RBFOX1: variants seen among roughly 807,000 people sequenced by gnomAD.
RBFOX1 encodes the protein RNA binding fox-1 homolog 1, also known as RNA binding protein fox-1 homolog 1.
RBFOX1 carries 8 observed loss-of-function variants against 57.7 expected under a neutral mutation model. The observed-to-expected ratio is 0.14, with a 90% CI of 0.08 to 0.25. The LOEUF (loss-of-function observed/expected upper bound fraction) is 0.25. Ranked by LOEUF, RBFOX1 falls within the 10% of genes least tolerant of loss-of-function variation. The probability of loss-of-function intolerance (pLI) is 1.00; values close to 1 mark genes in which losing one functional copy is unlikely to be tolerated. For synonymous variants in RBFOX1, 326 were observed against 222.4 expected (o/e 1.47, Z -4.15); for missense variants, 611 against 548.5 (o/e 1.11, Z -1.14).
chr16:5,989,651 A>G (rs545756591), intron 4 of RBFOX1, among the ~76,000 whole-genome samples: 10 of 152,024 alleles, frequency 6.6e-5, no homozygotes, highest in Middle Eastern at 3.4e-3. Flanking sequence ...CCTCCAATCA[A>G]TAAAGGGCGG....
chr16:7,131,333 G>A (rs1480628641), intron 4 of RBFOX1, among the ~76,000 whole-genome samples: 7 of 133,002 alleles, frequency 5.3e-5, no homozygotes, highest in South Asian at 2.6e-4. Flanking sequence ...GCATTGCAGC[G>A]AGACTGTCTT....
At chr16:6,741,884 A>G (rs1274774683) in intron 3 of RBFOX1, among the ~76,000 whole-genome samples, 1 of 152,196 alleles carries the variant, frequency 6.6e-6, no homozygotes, top group Non-Finnish European at 1.5e-5. Context: ...TTTTAGTTAG[A>G]TAGGAGGAAT....
At chr16:5,349,364 C>T (rs1433296393) in intron 1 of RBFOX1, among the ~76,000 whole-genome samples, 1 of 152,152 alleles carries the variant, frequency 6.6e-6, no homozygotes, top group Non-Finnish European at 1.5e-5. Context: ...TAGTTAACAA[C>T]ACCATGCACT....
intron 1 of RBFOX1, among the ~76,000 whole-genome samples, chr16:5,414,780 G>C (rs905906927): frequency 5.3e-5 from 8 of 152,154 alleles, no homozygotes; most frequent in Admixed American, 5.2e-4. Flanking sequence ...TTGACAACTG[G>C]CTGGACATAA....
At chr16:6,629,804 T>C (rs1031446617) in intron 2 of RBFOX1, among the ~76,000 whole-genome samples, 1 of 152,234 alleles carries the variant, frequency 6.6e-6, no homozygotes, top group Non-Finnish European at 1.5e-5. Flanking sequence ...CCACAGCCTC[T>C]CCATTTAAGA....
chr16:6,371,599 TC>T (rs1478307008), intron 2 of RBFOX1, among the ~76,000 whole-genome samples: 4 of 152,136 alleles, frequency 2.6e-5, no homozygotes, highest in African/African-American at 9.7e-5. Flanking sequence ...TCTTGACTTT[TC>T]TTGCCCCAGT....
chr16:6,997,806 C>T (rs538534956), intron 3 of RBFOX1, among the ~76,000 whole-genome samples: 6 of 152,086 alleles, frequency 3.9e-5, no homozygotes, highest in Non-Finnish European at 5.9e-5. Flanking sequence ...GGTAGGGTTT[C>T]TTGCTCTGTT....
chr16:5,519,946 G>A (rs1280491957), intron 2 of RBFOX1, among the ~76,000 whole-genome samples: 1 of 152,232 alleles, frequency 6.6e-6, no homozygotes, highest in Admixed American at 6.5e-5. Flanking sequence ...AGTTATAGTG[G>A]TGAGCAAGGC....
At chr16:5,630,208 G>C (rs1380291914) in intron 3 of RBFOX1, among the ~76,000 whole-genome samples, 4 of 152,188 alleles carry the variant, frequency 2.6e-5, no homozygotes, top group African/African-American at 9.6e-5. Context: ...TGTAATCCCA[G>C]GACTTTGGGA....
intron 9 of RBFOX1, among the ~76,000 whole-genome samples, chr16:7,599,577 C>G (rs2094898389): frequency 2.0e-5 from 3 of 148,228 alleles, no homozygotes; most frequent in African/African-American, 5.1e-5. Flanking sequence ...AAGAGGACAT[C>G]ATTATCCCTA....
At chr16:5,870,644 T>C (rs1227095224) in intron 4 of RBFOX1, among the ~76,000 whole-genome samples, 1 of 152,060 alleles carries the variant, frequency 6.6e-6, no homozygotes, top group East Asian at 1.9e-4. Flanking sequence ...TTACCATTTT[T>C]CCTAAGGCTG....
chr16:5,365,607 T>G (rs909350148), intron 1 of RBFOX1, among the ~76,000 whole-genome samples: 4 of 152,236 alleles, frequency 2.6e-5, no homozygotes, highest in East Asian at 1.9e-4. Context: ...AGGTGGAGGT[T>G]GCAGTGAGCC....
At chr16:6,867,016 T>TA (rs34911904) in intron 3 of RBFOX1, among the ~76,000 whole-genome samples, 129 of 140,876 alleles carry the variant, frequency 9.2e-4, no homozygotes, top group Middle Eastern at 3.9e-3. Flanking sequence ...AGCTGTTCTT[T>TA]AAAAAAAAAA....
intron 1 of RBFOX1, among the ~76,000 whole-genome samples, chr16:5,329,873 G>A (rs930978755): frequency 2.6e-5 from 4 of 151,984 alleles, no homozygotes; most frequent in Non-Finnish European, 5.9e-5. Context: ...GTGATGGCAG[G>A]CACCTGTAGT....
intron 2 of RBFOX1, among the ~76,000 whole-genome samples, chr16:5,512,875 T>G (rs2043654740): frequency 6.6e-6 from 1 of 152,176 alleles, no homozygotes; most frequent in Non-Finnish European, 1.5e-5. Flanking sequence ...TACATTGAGT[T>G]GACATGTCTT....
rs143394846 is a variant in RBFOX1, at chr16:7,011,313, A to T, written c.-15-40744A>T. On this transcript the variant is annotated intron_variant, in intron 3 of 15. Coordinates refer to ENST00000550418, the MANE Select transcript of RBFOX1 (RefSeq NM_018723.4). ...GATGCTATCATCATTTTCACTTTGC[A>T]GAAGGAGAAACTGAAGCCCAGAAAG... is the stretch of plus-strand genomic sequence containing the variant. Among the ~76,000 whole-genome samples the T allele has an allele frequency of 3.6e-3, 550 of 152,264 alleles. 9 individuals carry two copies. Among genetic ancestry groups the T allele is most frequent in the African/African-American group, 0.013 (525 of 41,552 alleles).
intron 1 of RBFOX1, among the ~76,000 whole-genome samples, chr16:6,246,303 T>C (rs2097568770): frequency 6.6e-6 from 1 of 152,194 alleles, no homozygotes; most frequent in Non-Finnish European, 1.5e-5. Flanking sequence ...CTTAGTGGGC[T>C]ATAGTTACTC....
At chr16:6,743,201 C>A (rs571869316) in intron 3 of RBFOX1, among the ~76,000 whole-genome samples, 1 of 151,706 alleles carries the variant, frequency 6.6e-6, no homozygotes, top group Non-Finnish European at 1.5e-5. Context: ...AGCTAATAAG[C>A]CAGCAAAGGA....
chr16:6,487,687 AAAAAAAAAAAAAAATATATATATATATAT>A (rs1381249413), intron 2 of RBFOX1, among the ~76,000 whole-genome samples: 12 of 19,810 alleles, frequency 6.1e-4, no homozygotes, highest in African/African-American at 1.7e-3. Flanking sequence ...AAAAAAAAAA[AAAAAAAAAAAAAAATATATATATATATAT>A]ATATATATAT....
Sources: allele counts gnomAD v4.1 joint callset (sites outside exome capture counted in the v4.1 genomes callset), GRCh38; gene constraint gnomAD v4.1.1; transcripts MANE v1.5; gene names NCBI Gene and HGNC (gene_info 2026-07-23, HGNC 2026-07-21).